HK3: variants seen among roughly 807,000 people sequenced by gnomAD.
HK3 encodes the protein hexokinase 3, also known as hexokinase-3.
Under a neutral mutation model 91.0 loss-of-function variants are expected in HK3, and 93 were observed. The observed-to-expected ratio is 1.02, with a 90% CI of 0.86 to 1.21. The LOEUF (loss-of-function observed/expected upper bound fraction) is 1.21. Ranked by LOEUF, HK3 falls within the 50% of genes most tolerant of loss-of-function variation. The probability of loss-of-function intolerance (pLI) is 0.00; values close to 1 mark genes in which losing one functional copy is unlikely to be tolerated. For synonymous variants in HK3, 519 were observed against 516.9 expected (o/e 1.00, Z -0.06); for missense variants, 1,235 against 1,247.4 (o/e 0.99, Z 0.15).
Position 176,883,751 on chromosome 5 carries a change from AG to A in HK3, c.2053+18del, listed in dbSNP as rs766926957. Reference sequence around the variant, plus strand: ...AATTGCCAAGCAGTAGGGGCATGAAAGGGCAGGGCCCTCCTCACCGACAATG... The same window carrying A: ...AATTGCCAAGCAGTAGGGGCATGAAAGGCAGGGCCCTCCTCACCGACAATG... On this transcript the variant is annotated intron_variant, in intron 15 of 18. Transcript: ENST00000292432. The A allele has an allele frequency of 6.3e-7, 1 of 1,597,012 alleles. No individual in the cohort carries two copies. Among genetic ancestry groups the A allele is most frequent in the Non-Finnish European group, 8.6e-7 (1 of 1,165,044 alleles).
intron 3 of HK3, 96 bp downstream of exon 3, chr5:176,891,292 C>T: frequency 6.2e-7 from 1 of 1,606,664 alleles, no homozygotes; most frequent in South Asian, 1.1e-5. Context: ...GGTCAAGGGG[C>T]CATAGAGATG....
At position 176,884,134 on chromosome 5, in the gene HK3, C is replaced by T. The variant is rs1436352577; in HGVS notation, c.1858G>A (p.Gly620Ser). The change falls in exon 14 of 19, where the codon GGC becomes AGC. Residue 620 changes from glycine to serine, a missense_variant and splice_region_variant. Around this residue, in one of 3 missense-constraint regions of HK3, gnomAD observed 513 missense variants for 477.4 expected, o/e 1.07. Transcript: ENST00000292432. This position sits in a 1 kb window ranked among gnomAD's most constrained non-coding sequence, Gnocchi z 4.1. ...FPCRQLGLDQ[G>S]ILLNWTKGFK... ...CCCTTGGTCCAGTTCAGGAGGATGCCCTGGGGTGAGACCGAGAGGAAGTGG... is the reference window on the plus strand; with the variant it reads ...CCCTTGGTCCAGTTCAGGAGGATGCTCTGGGGTGAGACCGAGAGGAAGTGG... 2 of 1,613,844 alleles carry T rather than the reference C, an allele frequency of 1.2e-6. No homozygotes were observed. Among genetic ancestry groups the T allele is most frequent in the African/African-American group, 2.7e-5 (2 of 75,028 alleles).
chr5:176,886,932 C>T, intron 13 of HK3, 70 bp downstream of exon 13: 10 of 1,583,276 alleles, frequency 6.3e-6, no homozygotes, highest in Non-Finnish European at 8.6e-6. Flanking sequence ...CCCCTGCCTC[C>T]TGCCCACTCC....
chr5:176,887,372 G>C lies in HK3; in HGVS notation c.1601-35C>G. ...CAGAGACCCTCAGTGCCGGGATAGG[G>C]CTTGTGGCTCCAGCCCCAGCACACA... On this transcript the variant is annotated intron_variant, in intron 11 of 18. Coordinates refer to ENST00000292432, the MANE Select transcript of HK3 (RefSeq NM_002115.3). The surrounding 1 kb of genome is among the most constrained non-coding windows in gnomAD (Gnocchi z 4.9). 6.2e-7 allele frequency: 1 copy of C among 1,613,590 alleles called. No individual in the cohort carries two copies.
intron 2 of HK3, among the ~76,000 whole-genome samples, chr5:176,895,686 A>G (rs1429147674): frequency 1.3e-5 from 2 of 152,162 alleles, no homozygotes; most frequent in African/African-American, 4.8e-5. Flanking sequence ...GAAAGGTCTC[A>G]AGAACACAAC....
chr5:176,883,841 A>G lies in HK3; in HGVS notation c.1982T>C (p.Val661Ala), dbSNP rs905561306. 6.2e-7 allele frequency: 1 copy of G among 1,614,050 alleles called. No individual in the cohort carries two copies. Among genetic ancestry groups the G allele is most frequent in the South Asian group, 1.1e-5 (1 of 91,074 alleles). ...QAVELNVVAIVNDTVGTMMSC... is the reference protein window; with the variant it reads ...QAVELNVVAIANDTVGTMMSC... ...CATCATGGTCCCCACCGTGTCATTG[A>G]CAATGGCAACCACATTCAGCTCCAC... The change falls in exon 15 of 19, where the codon GTC becomes GCC. Residue 661 changes from valine (V) to alanine (A), a missense_variant. This residue lies in a region of HK3 where 513 missense variants were observed against 477.4 expected (regional missense o/e 1.07). Transcript: ENST00000292432.
At chr5:176,885,059 T>C (rs72811301) in intron 13 of HK3, among the ~76,000 whole-genome samples, 5,440 of 152,310 alleles carry the variant, frequency 0.036, 117 homozygotes, top group African/African-American at 0.062. Flanking sequence ...CTGTGTGGGC[T>C]GCTCTCCCTA....
At position 176,885,742 on chromosome 5, in the gene HK3, GT is replaced by G. The variant is rs1370620245; in HGVS notation, c.1857+1259del. Reference sequence around the variant, plus strand: ...GCCTTCAGCACAGAAATTAAGTTCAGTTACAGAAAATTAATAAGACTATATT... The same window carrying G: ...GCCTTCAGCACAGAAATTAAGTTCAGTACAGAAAATTAATAAGACTATATT... On this transcript the variant is annotated intron_variant, in intron 13 of 18. Transcript: ENST00000292432. Among the ~76,000 whole-genome samples the G allele has an allele frequency of 3.9e-5, 6 of 152,010 alleles. No individual in the cohort carries two copies. In the South Asian group the frequency reaches 1.2e-3, roughly 32 times the overall value.
In HK3 at chr5:176,896,109, A is replaced by G. The variant is rs776596213; in HGVS notation, c.51T>C (p.Ser17=). 2.5e-6 allele frequency: 4 copies of G among 1,613,024 alleles called. No individual in the cohort carries two copies. The highest frequency in any genetic ancestry group is 2.7e-5 in the African/African-American group (2 of 74,858). The part of the protein sequence containing the change: ...SGLRQGEETL[S]CSEEGLPGPS... The stretch of plus-strand genomic sequence containing the variant: ...GCCCGGGCAAGCCCTCCTCAGAGCA[A>G]CTCAGGGTTTCTTCCCCCTGCCGCA... Residue 17 remains serine, a synonymous_variant, in exon 2 of 19, where the codon AGT becomes AGC. Coordinates refer to ENST00000292432, the MANE Select transcript of HK3 (RefSeq NM_002115.3).
chr5:176,888,288 C>A (rs752119739), intron 10 of HK3, 44 bp downstream of exon 10: 10 of 1,486,008 alleles, frequency 6.7e-6, no homozygotes, highest in Non-Finnish European at 9.2e-6. Context: ...ATCACACACA[C>A]GTGTTCATGC....
Position 176,888,313 on chromosome 5 carries a change from G to A in HK3, c.1304+19C>T, listed in dbSNP as rs1356633757. On this transcript the variant is annotated intron_variant, in intron 10 of 18. Transcript: ENST00000292432. ...CGTGTTCATGCCAACTAATCATGCG[G>A]ATCACGTTTCCACAATACCTGGGGT... The A allele has an allele frequency of 6.5e-7, 1 of 1,540,126 alleles. No individual in the cohort carries two copies. Among genetic ancestry groups the A allele is most frequent in the South Asian group, 1.2e-5 (1 of 83,830 alleles).
intron 2 of HK3, 102 bp from the exon 3 acceptor site, chr5:176,891,652 C>G (rs913911724): frequency 8.4e-7 from 1 of 1,184,340 alleles, no homozygotes; most frequent in Non-Finnish European, 1.2e-6. Flanking sequence ...GCCCACTCCT[C>G]GGCTCTTCAT....
At position 176,890,793 on chromosome 5, in the gene HK3, C is replaced by T. The variant is rs371087297; in HGVS notation, c.534+29G>A. Reference sequence around the variant, plus strand: ...TTCATGGGGCTGCAGCCACCCTCTACCCAGCGTCCCATGTCCACTCCACCT... The same window carrying T: ...TTCATGGGGCTGCAGCCACCCTCTATCCAGCGTCCCATGTCCACTCCACCT... On this transcript the variant is annotated intron_variant, in intron 5 of 18. Transcript: ENST00000292432. The T allele has an allele frequency of 1.7e-5, 28 of 1,614,100 alleles. No homozygotes were observed. The African/African-American group carries it at 3.3e-4, about 19-fold the overall frequency.
At position 176,881,572 on chromosome 5, in the gene HK3, G is replaced by T. The variant is rs1223573652; in HGVS notation, c.2394-37C>A. The T allele has an allele frequency of 1.9e-6, 3 of 1,586,684 alleles. No homozygotes were observed. The Admixed American group carries it at 5.0e-5, about 27-fold the overall frequency. On this transcript the variant is annotated intron_variant, in intron 17 of 18. Coordinates refer to ENST00000292432, the MANE Select transcript of HK3 (RefSeq NM_002115.3). ...GAAGGAAGAGAGCACAGGGAGGTGG[G>T]TCGTGACTTCTCCCACTTCATCCTC... is the stretch of plus-strand genomic sequence containing the variant.
chr5:176,893,303 G>C (rs1051048496), intron 2 of HK3, among the ~76,000 whole-genome samples: 2 of 152,186 alleles, frequency 1.3e-5, no homozygotes, highest in South Asian at 4.1e-4. Context: ...CCCTTGAAAA[G>C]AACTCAAGGC....
intron 2 of HK3, 125 bp downstream of exon 2, chr5:176,895,939 A>G (rs1758899768): frequency 2.6e-6 from 2 of 772,832 alleles, no homozygotes; most frequent in South Asian, 3.0e-5. Flanking sequence ...TTACCAGCTC[A>G]GATATGAAAA....
intron 15 of HK3, among the ~76,000 whole-genome samples, chr5:176,883,385 A>T (rs538110179): frequency 6.6e-6 from 1 of 152,278 alleles, no homozygotes; most frequent in African/African-American, 2.4e-5. Flanking sequence ...TTTCATCCTC[A>T]TGATGCCTTG....
chr5:176,885,937 G>T (rs1758574267), intron 13 of HK3, among the ~76,000 whole-genome samples: 2 of 152,072 alleles, frequency 1.3e-5, no homozygotes, highest in South Asian at 4.2e-4. Context: ...AGAAAGCAGA[G>T]TACAGAGTTG....
intron 2 of HK3, among the ~76,000 whole-genome samples, chr5:176,895,450 G>A (rs901916149): frequency 7.9e-5 from 12 of 152,214 alleles, no homozygotes; most frequent in African/African-American, 2.9e-4. Context: ...CCATTTTACT[G>A]ATGAGGAAAC....
Sources: gnomAD v4.1 joint callset for allele counts (sites outside exome capture counted in the v4.1 genomes callset) on GRCh38, gnomAD v4.1.1 for gene constraint, gnomAD v4.1.1 regional missense constraint, Gnocchi (gnomAD v3.1) non-coding constraint, MANE v1.5 for transcripts, NCBI Gene and HGNC (gene_info 2026-07-23, HGNC 2026-07-21) for gene names.